SLC36A1: variants seen among roughly 807,000 people sequenced by gnomAD.
SLC36A1 encodes the protein solute carrier family 36 member 1.
A neutral mutation model predicts 47.5 loss-of-function variants in SLC36A1; 30 were observed. The observed-to-expected ratio is 0.63, with a 90% confidence interval of 0.47 to 0.86. The LOEUF is 0.86. Ranked by LOEUF, SLC36A1 falls within the 40% of genes least tolerant of loss-of-function variation. The probability of loss-of-function intolerance (pLI) is 0.00; values close to 1 mark genes in which losing one functional copy is unlikely to be tolerated. For synonymous variants in SLC36A1, 255 were observed against 249.7 expected, an observed-to-expected ratio of 1.02 and a Z score of -0.20; for missense variants, 517 against 606.0, an observed-to-expected ratio of 0.85 and a Z score of 1.54.
intron 2 of SLC36A1, 69 bp downstream of exon 2, chr5:151,459,004 T>G: frequency 6.7e-7 from 1 of 1,497,672 alleles, no homozygotes; most frequent in Non-Finnish European, 9.0e-7. Flanking sequence ...GGACTTATTT[T>G]TCCCCCCAAT....
chr5:151,538,284 T>A, the SLC36A1 span, among the ~76,000 whole-genome samples: 1 of 152,192 alleles, frequency 6.6e-6, no homozygotes, highest in East Asian at 1.9e-4. Flanking sequence ...CTGCTACAAT[T>A]TCTTCCACCC....
At chr5:151,404,599 G>A in the SLC36A1 span, among the ~76,000 whole-genome samples, 1 of 152,160 alleles carries the variant, frequency 6.6e-6, no homozygotes, top group Non-Finnish European at 1.5e-5. Flanking sequence ...TTTTGAGGCT[G>A]CTCTAGTGGT....
the SLC36A1 span, among the ~76,000 whole-genome samples, chr5:151,548,902 T>C: frequency 6.6e-6 from 1 of 152,216 alleles, no homozygotes. Context: ...TAAATCACTG[T>C]GGAGCCTTAT....
At chr5:151,554,486 C>T in the SLC36A1 span, 1 of 1,614,212 alleles carries the variant, frequency 6.2e-7, no homozygotes, top group Non-Finnish European at 8.5e-7. Context: ...GCCATTAAGA[C>T]CCTCATCCAG....
At chr5:151,515,309 G>A in the SLC36A1 span, among the ~76,000 whole-genome samples, 1 of 152,174 alleles carries the variant, frequency 6.6e-6, no homozygotes, top group Non-Finnish European at 1.5e-5. Context: ...ACCTGCTAAT[G>A]TTGGAGGGTC....
chr5:151,413,289 TATAAA>T, the SLC36A1 span, among the ~76,000 whole-genome samples: 56 of 151,622 alleles, frequency 3.7e-4, no homozygotes, highest in Admixed American at 7.2e-4. Context: ...AAGAAGCAAA[TATAAA>T]ATATAAAGAG....
the SLC36A1 span, chr5:151,550,867 T>C: frequency 6.2e-7 from 1 of 1,612,706 alleles, no homozygotes; most frequent in South Asian, 1.1e-5. Context: ...CATGAAGATG[T>C]GGACCTAGGG....
chr5:151,367,518 T>A, the SLC36A1 span, among the ~76,000 whole-genome samples: 2 of 152,060 alleles, frequency 1.3e-5, no homozygotes, highest in Non-Finnish European at 2.9e-5. Context: ...GACCTTATGG[T>A]TGTGTTCCCT....
At chr5:151,458,345 A>G (rs1754984813) in intron 1 of SLC36A1, among the ~76,000 whole-genome samples, 2 of 104,014 alleles carry the variant, frequency 1.9e-5, no homozygotes, top group African/African-American at 3.9e-5. Flanking sequence ...GGATATTTAT[A>G]TATATATATA....
At chr5:151,400,390 T>A in the SLC36A1 span, among the ~76,000 whole-genome samples, 12 of 152,216 alleles carry the variant, frequency 7.9e-5, no homozygotes, top group African/African-American at 1.2e-4. Flanking sequence ...ACCACTTTTT[T>A]AAAATCCAAT....
chr5:151,480,242 A>C, intron 10 of SLC36A1: 1 of 470,164 alleles, frequency 2.1e-6, no homozygotes, highest in Non-Finnish European at 3.6e-6. Context: ...TCCAAATTCA[A>C]ATGCTTAAAA....
the SLC36A1 span, among the ~76,000 whole-genome samples, chr5:151,357,244 AAGGGCTTT>A: frequency 1.3e-5 from 2 of 152,170 alleles, no homozygotes; most frequent in Non-Finnish European, 2.9e-5. Context: ...CCACATAGCT[AAGGGCTTT>A]AGCGGTGGTT....
chr5:151,482,506 A>G (rs923862217), intron 10 of SLC36A1, among the ~76,000 whole-genome samples: 15 of 152,248 alleles, frequency 9.9e-5, no homozygotes, highest in Non-Finnish European at 4.4e-5. Context: ...CACCAATTTA[A>G]CAAAGTAATT....
chr5:151,477,546 T>C (rs1758244937), intron 9 of SLC36A1: 1 of 152,360 alleles, frequency 6.6e-6, no homozygotes, highest in Non-Finnish European at 1.5e-5. Flanking sequence ...TCAGGTGAAA[T>C]TGAGCACATT....
intron 5 of SLC36A1, among the ~76,000 whole-genome samples, chr5:151,465,814 G>A (rs1756271682): frequency 6.6e-6 from 1 of 152,144 alleles, no homozygotes; most frequent in Non-Finnish European, 1.5e-5. Flanking sequence ...AGGGTGTGGA[G>A]ATGAGTTTGG....
At chr5:151,506,065 T>C in the SLC36A1 span, 2 of 1,543,226 alleles carry the variant, frequency 1.3e-6, no homozygotes, top group Admixed American at 2.1e-5. Context: ...CTGGAGTAAG[T>C]AGGGGGCCAG....
upstream of SLC36A1, among the ~76,000 whole-genome samples, chr5:151,434,268 G>GA (rs1759639139): frequency 6.6e-6 from 1 of 152,052 alleles, no homozygotes; most frequent in African/African-American, 2.4e-5. Flanking sequence ...TTTAGTAACA[G>GA]AAAAAAATGT....
At chr5:151,521,136 CTT>C in the SLC36A1 span, 2 of 801,998 alleles carry the variant, frequency 2.5e-6, no homozygotes, top group Non-Finnish European at 3.8e-6. Context: ...CACTAGCCGT[CTT>C]ATGGTGATTG....
the SLC36A1 span, chr5:151,380,572 C>G: frequency 1.8e-6 from 1 of 544,250 alleles, no homozygotes. Context: ...ACTGGACATG[C>G]GTCTGAATGA....
Sources: gnomAD v4.1 joint callset for allele counts (sites outside exome capture counted in the v4.1 genomes callset) on GRCh38, gnomAD v4.1.1 for gene constraint, MANE v1.5 for transcripts, NCBI Gene and HGNC (gene_info 2026-07-23, HGNC 2026-07-21) for gene names.